Variants in LRP1B observed in about 807,000 individuals in gnomAD.
The protein encoded by LRP1B is low-density lipoprotein receptor-related protein 1B.
In LRP1B, 217 loss-of-function variants were observed where a neutral mutation model predicts 556.6. That is an observed-to-expected ratio of 0.39 (90% confidence interval 0.35 to 0.44). LRP1B has a LOEUF of 0.44. Among genes scored for constraint, LRP1B ranks in the 20% least tolerant of loss-of-function variants. The probability of loss-of-function intolerance (pLI) is 1.00; values close to 1 mark genes in which losing one functional copy is unlikely to be tolerated. For missense variants in LRP1B, 5,053 were observed against 5,620.8 expected, an observed-to-expected ratio of 0.90 and a Z score of 3.23; for synonymous variants, 2,047 against 1,865.8, an observed-to-expected ratio of 1.10 and a Z score of -2.50.
intron 3 of LRP1B, among the ~76,000 whole-genome samples, chr2:141,319,211 T>G (rs956848893): frequency 2.6e-5 from 4 of 151,986 alleles, no homozygotes; most frequent in Non-Finnish European, 4.4e-5. Flanking sequence ...TTTTTTATTG[T>G]TTTTCATGAA....
intron 41 of LRP1B, among the ~76,000 whole-genome samples, chr2:140,669,608 T>C (rs891057416): frequency 2.0e-5 from 3 of 152,164 alleles, no homozygotes; most frequent in Non-Finnish European, 2.9e-5. Context: ...GTGCTAGATA[T>C]GCTAGAAACA....
intron 32 of LRP1B, among the ~76,000 whole-genome samples, chr2:140,789,697 C>G (rs1363241355): frequency 1.7e-5 from 2 of 121,126 alleles, no homozygotes; most frequent in African/African-American, 6.3e-5. Context: ...GTGGCGGGAT[C>G]TCGGCTCACT....
intron 51 of LRP1B, among the ~76,000 whole-genome samples, chr2:140,512,168 C>CT (rs759251484): frequency 5.0e-4 from 76 of 152,248 alleles, no homozygotes; most frequent in African/African-American, 1.7e-3. Flanking sequence ...TTGATGAAGA[C>CT]TAGTGTCTGA....
intron 83 of LRP1B, among the ~76,000 whole-genome samples, chr2:140,312,201 G>T (rs1030368482): frequency 6.6e-6 from 1 of 151,866 alleles, no homozygotes; most frequent in Non-Finnish European, 1.5e-5. Flanking sequence ...ATCCCAAATT[G>T]CACTTTCACT....
At chr2:141,239,338 C>T (rs936294427) in intron 5 of LRP1B, among the ~76,000 whole-genome samples, 3 of 151,730 alleles carry the variant, frequency 2.0e-5, no homozygotes, top group South Asian at 2.1e-4. Context: ...TCATTGAAGG[C>T]GATTAAAGAG....
chr2:141,765,612 T>C (rs1558861150), intron 2 of LRP1B, among the ~76,000 whole-genome samples: 1 of 152,126 alleles, frequency 6.6e-6, no homozygotes, highest in Non-Finnish European at 1.5e-5. Flanking sequence ...TAATTAAAAG[T>C]GAAATAATGG....
In LRP1B at chr2:141,173,523, G is replaced by A. The variant is rs1385766964; in HGVS notation, c.1013+14898C>T. Among the ~76,000 whole-genome samples, 3 of 152,036 alleles carry A rather than the reference G, an allele frequency of 2.0e-5. No homozygotes were observed. In the East Asian group the frequency reaches 5.8e-4, roughly 29 times the overall value. ...CATGGCATTCCCTCAGCAACTATCAGTGCTCTAGGGATGACAAAGCAAACT... is the reference window on the plus strand; with the variant it reads ...CATGGCATTCCCTCAGCAACTATCAATGCTCTAGGGATGACAAAGCAAACT... On this transcript the variant is annotated intron_variant, in intron 7 of 90. Coordinates refer to ENST00000389484, the MANE Select transcript of LRP1B (RefSeq NM_018557.3).
intron 43 of LRP1B, among the ~76,000 whole-genome samples, chr2:140,585,564 A>T (rs1453622053): frequency 6.6e-6 from 1 of 152,174 alleles, no homozygotes; most frequent in African/African-American, 2.4e-5. Flanking sequence ...TTTTAAGTCT[A>T]GCCCAAAATG....
chr2:141,381,107 T>C lies in LRP1B; in HGVS notation c.343+99289A>G, dbSNP rs1352110739. Reference sequence around the variant, plus strand: ...CTGACCCTGATGAAATGAAGATACATGATTTGTCCTATAGATAACAAAAAA... The same window carrying C: ...CTGACCCTGATGAAATGAAGATACACGATTTGTCCTATAGATAACAAAAAA... On this transcript the variant is annotated intron_variant, in intron 3 of 90. Transcript: ENST00000389484. Among the ~76,000 whole-genome samples, 3 of 152,190 alleles carry C rather than the reference T, an allele frequency of 2.0e-5. No homozygotes were observed. The South Asian group carries it at 6.2e-4, about 32-fold the overall frequency.
At chr2:140,975,535 C>T (rs1234223488) in intron 18 of LRP1B, among the ~76,000 whole-genome samples, 15 of 151,396 alleles carry the variant, frequency 9.9e-5, no homozygotes, top group Non-Finnish European at 2.1e-4. Flanking sequence ...GAAGTCTGGC[C>T]AGCAATGAGG....
At chr2:140,444,218 A>G in intron 65 of LRP1B, 112 bp downstream of exon 65, 1 of 1,155,168 alleles carries the variant, frequency 8.7e-7, no homozygotes, top group East Asian at 2.5e-5. Flanking sequence ...TTTGACCATA[A>G]TTTCTTTTCA....
In LRP1B at chr2:141,861,503, T is replaced by A. The variant is rs570724038; in HGVS notation, c.83-51102A>T. Among the ~76,000 whole-genome samples the A allele has an allele frequency of 7.9e-4, 121 of 152,244 alleles. 1 individual carries two copies. Among genetic ancestry groups the A allele is most frequent in the Non-Finnish European group, 1.6e-3 (110 of 68,044 alleles). Reference sequence around the variant, plus strand: ...GTCTTTTCCCCATTCTCTTTGTTACTGCCATTATCAGAGCTTTGGTCACCA... The same window carrying A: ...GTCTTTTCCCCATTCTCTTTGTTACAGCCATTATCAGAGCTTTGGTCACCA... On this transcript the variant is annotated intron_variant, in intron 1 of 90. Coordinates refer to ENST00000389484, the MANE Select transcript of LRP1B (RefSeq NM_018557.3).
intron 46 of LRP1B, among the ~76,000 whole-genome samples, chr2:140,536,019 C>T (rs903890693): frequency 6.6e-6 from 1 of 152,066 alleles, no homozygotes; most frequent in Non-Finnish European, 1.5e-5. Context: ...TGAAACTCTG[C>T]TTCAGAGTAA....
chr2:141,235,239 A>C (rs1573692370), intron 5 of LRP1B, among the ~76,000 whole-genome samples: 1 of 151,926 alleles, frequency 6.6e-6, no homozygotes, highest in Non-Finnish European at 1.5e-5. Context: ...CTTTGGGTAA[A>C]TATTTTAATT....
At chr2:140,590,965 T>G (rs1411584628) in intron 43 of LRP1B, among the ~76,000 whole-genome samples, 1 of 152,242 alleles carries the variant, frequency 6.6e-6, no homozygotes, top group Non-Finnish European at 1.5e-5. Context: ...ATAGAATTCA[T>G]AGACTTGCTG....
intron 2 of LRP1B, chr2:141,805,842 A>G (rs1029774189): frequency 6.6e-6 from 1 of 152,142 alleles, no homozygotes; most frequent in African/African-American, 2.4e-5. Flanking sequence ...TTTTACAGAA[A>G]AAGCATGCTG....
At chr2:141,304,539 G>A (rs1686515949) in intron 3 of LRP1B, among the ~76,000 whole-genome samples, 1 of 145,400 alleles carries the variant, frequency 6.9e-6, no homozygotes, top group Admixed American at 7.1e-5. Context: ...AAGTACAGTG[G>A]CGTGATCTTG....
At chr2:141,400,389 G>T (rs1286788848) in intron 3 of LRP1B, among the ~76,000 whole-genome samples, 3 of 152,100 alleles carry the variant, frequency 2.0e-5, no homozygotes, top group African/African-American at 7.2e-5. Context: ...CTTGTTTAAG[G>T]TTATAAAATT....
At chr2:140,277,174 A>G (rs1682710852) in intron 84 of LRP1B, among the ~76,000 whole-genome samples, 1 of 151,970 alleles carries the variant, frequency 6.6e-6, no homozygotes, top group Non-Finnish European at 1.5e-5. Context: ...GTCCAGGACC[A>G]CACTCCAGCA....
Sources: allele counts gnomAD v4.1 joint callset (sites outside exome capture counted in the v4.1 genomes callset), GRCh38; gene constraint gnomAD v4.1.1; transcripts MANE v1.5; gene names NCBI Gene and HGNC (gene_info 2026-07-23, HGNC 2026-07-21).